TNKS: variants seen among roughly 807,000 people sequenced by gnomAD.
TNKS encodes poly [ADP-ribose] polymerase tankyrase-1.
A neutral mutation model predicts 135.8 loss-of-function variants in TNKS; 72 were observed. The observed-to-expected ratio is 0.53, with a 90% CI of 0.44 to 0.64. TNKS has a LOEUF of 0.64. Among genes scored for constraint, TNKS ranks in the 30% least tolerant of loss-of-function variants. The pLI, the probability that TNKS is intolerant of heterozygous loss-of-function variation, is 0.00. For missense variants in TNKS, 1,769 were observed against 1,674.0 expected, an observed-to-expected ratio of 1.06 and a Z score of -0.99; for synonymous variants, 849 against 649.3, an observed-to-expected ratio of 1.31 and a Z score of -4.68.
intron 2 of TNKS, among the ~76,000 whole-genome samples, chr8:9,609,369 A>G (rs150509389): frequency 6.6e-6 from 1 of 152,310 alleles, no homozygotes; most frequent in East Asian, 1.9e-4. Context: ...AGACACCCAA[A>G]GTTTCCAACC....
At chr8:9,717,591 G>A (rs563045425) in intron 11 of TNKS, among the ~76,000 whole-genome samples, 4 of 152,160 alleles carry the variant, frequency 2.6e-5, no homozygotes, top group African/African-American at 9.6e-5. Flanking sequence ...TTTATCACCA[G>A]AATTTATTAG....
At chr8:9,629,511 C>G (rs1800201932) in intron 3 of TNKS, among the ~76,000 whole-genome samples, 1 of 152,198 alleles carries the variant, frequency 6.6e-6, no homozygotes, top group African/African-American at 2.4e-5. Context: ...TAGTGCTTTT[C>G]CTGTTGCTCC....
At chr8:9,579,035 C>T (rs991087508) in intron 1 of TNKS, among the ~76,000 whole-genome samples, 4 of 152,106 alleles carry the variant, frequency 2.6e-5, no homozygotes, top group Admixed American at 2.0e-4. Flanking sequence ...TTGACTTCCA[C>T]GATGTTGATG....
intron 2 of TNKS, among the ~76,000 whole-genome samples, chr8:9,608,116 CT>C (rs902717954): frequency 2.0e-5 from 3 of 151,902 alleles, no homozygotes; most frequent in African/African-American, 7.3e-5. Flanking sequence ...CATTTTTTTA[CT>C]TTTTGAAAAG....
At chr8:9,699,492 T>C (rs1803694232) in intron 5 of TNKS, among the ~76,000 whole-genome samples, 1 of 152,216 alleles carries the variant, frequency 6.6e-6, no homozygotes, top group Non-Finnish European at 1.5e-5. Flanking sequence ...CTTTTTCTCT[T>C]TGCAGTCTGC....
chr8:9,631,111 G>A (rs1353092688), intron 3 of TNKS, among the ~76,000 whole-genome samples: 2 of 152,148 alleles, frequency 1.3e-5, no homozygotes, highest in Non-Finnish European at 2.9e-5. Context: ...AGTATTAGAA[G>A]CCTCATATCT....
intron 18 of TNKS, among the ~76,000 whole-genome samples, chr8:9,750,530 T>C (rs983270833): frequency 6.6e-6 from 1 of 152,200 alleles, no homozygotes; most frequent in Non-Finnish European, 1.5e-5. Flanking sequence ...TGCCAAACTT[T>C]CTGCTACACA....
intron 2 of TNKS, among the ~76,000 whole-genome samples, chr8:9,586,312 A>G (rs979411178): frequency 6.6e-6 from 1 of 152,202 alleles, no homozygotes; most frequent in African/African-American, 2.4e-5. Flanking sequence ...CCATAATTAA[A>G]GTTGGTTATC....
At chr8:9,584,701 C>G (rs1379208751) in intron 2 of TNKS, among the ~76,000 whole-genome samples, 1 of 152,142 alleles carries the variant, frequency 6.6e-6, no homozygotes, top group Non-Finnish European at 1.5e-5. Flanking sequence ...TCTCTTGAAT[C>G]TTTATTTAAG....
intron 5 of TNKS, among the ~76,000 whole-genome samples, chr8:9,697,945 G>A (rs951658737): frequency 6.6e-6 from 1 of 152,244 alleles, no homozygotes; most frequent in Non-Finnish European, 1.5e-5. Context: ...AAAGATACAT[G>A]AAGTTGTATG....
At position 9,781,665 on chromosome 8, in the gene TNKS, G is replaced by T. The variant is rs189242183; in HGVS notation, c.*4929G>T. 6.6e-6 allele frequency: 1 copy of T among 152,652 alleles called. No individual in the cohort carries two copies. The highest frequency in any genetic ancestry group is 6.5e-5 in the Admixed American group (1 of 15,290). The allele number at this position is 152,652 out of a possible 1,614,324, so 9.5% of individuals were successfully genotyped here. A position where few individuals can be genotyped will look rare whatever the true frequency, so the allele number is the denominator to read the frequency against. ...CAAACTAAAAAGGTACTTTTATCAA[G>T]GTTTCTCAAAACATTTACAAAACCA... On this transcript the variant is annotated 3_prime_UTR_variant, in exon 27 of 27. Transcript: ENST00000310430.
chr8:9,657,724 G>T (rs1268482640), intron 3 of TNKS, among the ~76,000 whole-genome samples: 31 of 120,318 alleles, frequency 2.6e-4, no homozygotes, highest in Non-Finnish European at 5.1e-4. Context: ...CAGTAGGGGC[G>T]GCCGGGCAGA....
chr8:9,721,298 T>TTATATATA lies in TNKS; in HGVS notation c.1921+760_1921+767dup, dbSNP rs60138689. 1.0e-3 allele frequency among the ~76,000 whole-genome samples: 119 copies of TTATATATA among 118,160 alleles called. 3 individuals are homozygous for TTATATATA. Among genetic ancestry groups the TTATATATA allele is most frequent in the Middle Eastern group, 4.8e-3 (1 of 210 alleles). 77.5% of individuals were successfully genotyped at this position (118,160 alleles called of 152,430 possible). A position where few individuals can be genotyped will look rare whatever the true frequency, so the allele number is the denominator to read the frequency against. ...TCTGTCTCAAAAATAAATAAATAAA[T>TTATATATA]TATATATATATATAAAATTATAAAA... On this transcript the variant is annotated intron_variant, in intron 12 of 26. Transcript: ENST00000310430.
intron 5 of TNKS, among the ~76,000 whole-genome samples, chr8:9,690,078 T>A (rs1585331586): frequency 6.6e-6 from 1 of 152,222 alleles, no homozygotes; most frequent in Admixed American, 6.5e-5. Context: ...ACCTTTGATT[T>A]TTTTCTTTTC....
intron 3 of TNKS, among the ~76,000 whole-genome samples, chr8:9,656,567 G>A (rs914957439): frequency 2.0e-5 from 3 of 151,756 alleles, no homozygotes; most frequent in Admixed American, 6.6e-5. Flanking sequence ...CAAGCCAGAA[G>A]AGAGTGGGGG....
At chr8:9,599,489 T>C (rs1243033450) in intron 2 of TNKS, among the ~76,000 whole-genome samples, 2 of 152,228 alleles carry the variant, frequency 1.3e-5, no homozygotes, top group African/African-American at 2.4e-5. Context: ...GATTGAGCAG[T>C]ATTCTAAAAC....
chr8:9,605,788 A>G (rs900586851), intron 2 of TNKS, among the ~76,000 whole-genome samples: 7 of 151,898 alleles, frequency 4.6e-5, no homozygotes, highest in African/African-American at 7.2e-5. Flanking sequence ...TTCAAGTTGT[A>G]TTGTTTGCCT....
chr8:9,763,330 G>T (rs1807250304), intron 22 of TNKS, 86 bp downstream of exon 22: 2 of 852,812 alleles, frequency 2.3e-6, no homozygotes, highest in Non-Finnish European at 3.6e-6. Context: ...GTCTTACATT[G>T]CCTTGCGGTC....
intron 5 of TNKS, among the ~76,000 whole-genome samples, chr8:9,688,174 T>C (rs1803098954): frequency 6.6e-6 from 1 of 152,244 alleles, no homozygotes; most frequent in African/African-American, 2.4e-5. Flanking sequence ...CTGTAATGAT[T>C]ATGATTTGAG....
Sources: gnomAD v4.1 joint callset for allele counts (sites outside exome capture counted in the v4.1 genomes callset) on GRCh38, gnomAD v4.1.1 for gene constraint, MANE v1.5 for transcripts, NCBI Gene and HGNC (gene_info 2026-07-23, HGNC 2026-07-21) for gene names.